Variants in PRKCE observed in about 807,000 individuals in gnomAD.
PRKCE encodes the protein protein kinase C epsilon.
A neutral mutation model predicts 85.4 loss-of-function variants in PRKCE; 16 were observed. The ratio of observed to expected loss-of-function variants is 0.19; its 90% CI spans 0.13 to 0.28. The LOEUF (loss-of-function observed/expected upper bound fraction) is 0.28, where lower values mean the gene tolerates loss of function less well. Among genes scored for constraint, PRKCE ranks in the 10% least tolerant of loss-of-function variants. PRKCE has a pLI of 1.00. For synonymous variants in PRKCE, 388 were observed against 371.5 expected (o/e 1.04, Z -0.51); for missense variants, 573 against 975.2 (o/e 0.59, Z 5.49).
rs549257338 is a variant in PRKCE at position 45,811,441 on chromosome 2, A to T, written c.349-31559A>T. ...GAAAAAAATTATGAATATGTTTGTG[A>T]ATCCATAGATTCTTATTAAAGGAAT... On this transcript the variant is annotated intron_variant, in intron 1 of 14. Coordinates refer to ENST00000306156, the MANE Select transcript of PRKCE (RefSeq NM_005400.3). Among the ~76,000 whole-genome samples, 127 of 152,320 alleles carry T rather than the reference A, an allele frequency of 8.3e-4. 1 individual carries two copies. The highest frequency in any genetic ancestry group is 2.6e-3 in the African/African-American group (110 of 41,578).
intron 11 of PRKCE, among the ~76,000 whole-genome samples, chr2:46,143,212 T>C (rs943766276): frequency 6.6e-6 from 1 of 152,162 alleles, no homozygotes; most frequent in Admixed American, 6.5e-5. Context: ...TGAGCGTGGA[T>C]CATGAACTGG....
At chr2:45,912,203 C>G (rs1022957322) in intron 2 of PRKCE, among the ~76,000 whole-genome samples, 15 of 152,110 alleles carry the variant, frequency 9.9e-5, no homozygotes, top group African/African-American at 1.7e-4. Context: ...CCTGGAGTCT[C>G]TACAACACTC....
At chr2:46,049,044 A>G (rs1708696475) in intron 10 of PRKCE, among the ~76,000 whole-genome samples, 1 of 152,188 alleles carries the variant, frequency 6.6e-6, no homozygotes, top group African/African-American at 2.4e-5. Flanking sequence ...TCTGTAGTCT[A>G]GAGTCCCAGG....
At chr2:45,672,462 C>G (rs1232557372) in intron 1 of PRKCE, among the ~76,000 whole-genome samples, 1 of 152,228 alleles carries the variant, frequency 6.6e-6, no homozygotes, top group African/African-American at 2.4e-5. Context: ...AGCCAGCCAG[C>G]CAGCTGGACA....
intron 1 of PRKCE, among the ~76,000 whole-genome samples, chr2:45,815,354 G>A (rs1302049727): frequency 6.6e-6 from 1 of 152,200 alleles, no homozygotes; most frequent in Non-Finnish European, 1.5e-5. Context: ...TGATGCCAGA[G>A]GATTCTGAAT....
intron 10 of PRKCE, among the ~76,000 whole-genome samples, chr2:46,070,873 GC>G (rs1668029964): frequency 6.6e-6 from 1 of 152,118 alleles, no homozygotes; most frequent in African/African-American, 2.4e-5. Flanking sequence ...CATAATTCTT[GC>G]ATCAATGGAA....
chr2:46,094,196 T>C (rs1670457088), intron 11 of PRKCE, among the ~76,000 whole-genome samples: 1 of 152,200 alleles, frequency 6.6e-6, no homozygotes, highest in African/African-American at 2.4e-5. Flanking sequence ...GCTGTCACCC[T>C]GGGATCCCAC....
intron 2 of PRKCE, among the ~76,000 whole-genome samples, chr2:45,879,595 C>T (rs1222245385): frequency 1.3e-5 from 2 of 152,220 alleles, no homozygotes; most frequent in Non-Finnish European, 2.9e-5. Flanking sequence ...TAGATGCTGC[C>T]ACAGGGCCCG....
At chr2:45,829,901 G>A (rs372525350) in intron 1 of PRKCE, among the ~76,000 whole-genome samples, 12 of 151,482 alleles carry the variant, frequency 7.9e-5, no homozygotes, top group African/African-American at 2.4e-4. Context: ...GTGAAACCCC[G>A]TCTCTACTAA....
intron 11 of PRKCE, among the ~76,000 whole-genome samples, chr2:46,097,497 G>GCGC (rs1192358525): frequency 8.0e-6 from 1 of 125,114 alleles, no homozygotes; most frequent in African/African-American, 2.8e-5. Context: ...TCCAGCCTGG[G>GCGC]AGACAGAGCG....
intron 1 of PRKCE, among the ~76,000 whole-genome samples, chr2:45,789,403 C>T (rs191021842): frequency 1.3e-5 from 2 of 152,176 alleles, no homozygotes; most frequent in Non-Finnish European, 2.9e-5. Flanking sequence ...GTATGTTTGA[C>T]AAAAGCCTAG....
At chr2:45,769,774 A>G (rs1685172129) in intron 1 of PRKCE, among the ~76,000 whole-genome samples, 1 of 152,242 alleles carries the variant, frequency 6.6e-6, no homozygotes, top group African/African-American at 2.4e-5. Context: ...TCAACCAGAT[A>G]CAGATTAACC....
At chr2:46,038,711 G>A (rs1242162537) in intron 10 of PRKCE, among the ~76,000 whole-genome samples, 3 of 143,198 alleles carry the variant, frequency 2.1e-5, no homozygotes, top group African/African-American at 5.2e-5. Context: ...ACATTTTCCA[G>A]ATATTTCCTT....
intron 2 of PRKCE, among the ~76,000 whole-genome samples, chr2:45,875,554 A>G (rs1694409936): frequency 6.6e-6 from 1 of 152,216 alleles, no homozygotes; most frequent in South Asian, 2.1e-4. Flanking sequence ...ACTGATTTAC[A>G]CATATGGGAA....
chr2:46,029,245 C>G (rs886121502), intron 10 of PRKCE, among the ~76,000 whole-genome samples: 1 of 152,170 alleles, frequency 6.6e-6, no homozygotes, highest in Non-Finnish European at 1.5e-5. Flanking sequence ...TCTCCAACGT[C>G]ACATAGTTAA....
chr2:46,004,091 C>A lies in PRKCE; in HGVS notation c.967-451C>A. On this transcript the variant is annotated intron_variant, in intron 7 of 14. Transcript: ENST00000306156. The surrounding 1 kb of genome is among the most constrained non-coding windows in gnomAD (Gnocchi z 4.1). ...ACCACCTTGCTGGGGTAGATACCCA[C>A]GTGGATAGTTGAACATTAGCCTTTT... The A allele has an allele frequency of 4.2e-6, 1 of 236,830 alleles. No individual in the cohort carries two copies. The allele number at this position is 236,830 out of a possible 1,614,324, so 14.7% of individuals were successfully genotyped here. A position where few individuals can be genotyped will look rare whatever the true frequency, so the allele number is the denominator to read the frequency against.
At chr2:45,884,028 G>C (rs944087472) in intron 2 of PRKCE, among the ~76,000 whole-genome samples, 1 of 152,218 alleles carries the variant, frequency 6.6e-6, no homozygotes, top group African/African-American at 2.4e-5. Flanking sequence ...ACTGCCTTGA[G>C]AGTGAGTGGC....
At chr2:45,865,304 G>A (rs1176259867) in intron 2 of PRKCE, among the ~76,000 whole-genome samples, 1 of 152,132 alleles carries the variant, frequency 6.6e-6, no homozygotes, top group Non-Finnish European at 1.5e-5. Flanking sequence ...AAAGGAGGAG[G>A]AGGAGGAGAA....
At chr2:45,832,413 A>G (rs112601881) in intron 1 of PRKCE, among the ~76,000 whole-genome samples, 6,299 of 151,350 alleles carry the variant, frequency 0.042, 411 homozygotes, top group African/African-American at 0.14. Context: ...CTTGGGTTCA[A>G]GTGATTCTTC....
Sources: gnomAD v4.1 joint callset for allele counts (sites outside exome capture counted in the v4.1 genomes callset) on GRCh38, gnomAD v4.1.1 for gene constraint, Gnocchi (gnomAD v3.1) non-coding constraint, MANE v1.5 for transcripts, NCBI Gene and HGNC (gene_info 2026-07-23, HGNC 2026-07-21) for gene names.